EPCIP: variants seen among roughly 807,000 people sequenced by gnomAD.
The protein encoded by EPCIP is exosomal polycystin-1-interacting protein.
the EPCIP span, among the ~76,000 whole-genome samples, chr21:32,791,818 A>T: frequency 6.6e-6 from 1 of 151,952 alleles, no homozygotes; most frequent in Admixed American, 6.5e-5. Flanking sequence ...TCTTATCATT[A>T]TGGTATCATG....
chr21:32,801,185 A>G, the EPCIP span, among the ~76,000 whole-genome samples: 1 of 152,160 alleles, frequency 6.6e-6, no homozygotes, highest in South Asian at 2.1e-4. Flanking sequence ...TTCCCCCTTA[A>G]TGGCATTAGT....
chr21:32,793,759 A>G, the EPCIP span: 1 of 1,613,118 alleles, frequency 6.2e-7, no homozygotes, highest in Non-Finnish European at 8.5e-7. Context: ...CACAGTTATT[A>G]TGCTAGTAAA....
At chr21:32,792,550 A>T in the EPCIP span, among the ~76,000 whole-genome samples, 1 of 152,230 alleles carries the variant, frequency 6.6e-6, no homozygotes, top group Non-Finnish European at 1.5e-5. Context: ...GAGAAAGAAG[A>T]TGAAAATGAG....
chr21:32,808,778 A>T, the EPCIP span, among the ~76,000 whole-genome samples: 2 of 152,218 alleles, frequency 1.3e-5, no homozygotes, highest in African/African-American at 2.4e-5. Flanking sequence ...TACCATACTC[A>T]TGTAAGATGT....
chr21:32,809,178 G>GGTGT, the EPCIP span, among the ~76,000 whole-genome samples: 1 of 69,724 alleles, frequency 1.4e-5, no homozygotes, highest in South Asian at 5.8e-4. Flanking sequence ...AGCCTCGAGG[G>GGTGT]GTGCGTGTGT....
chr21:32,792,134 C>T, the EPCIP span, among the ~76,000 whole-genome samples: 2 of 152,174 alleles, frequency 1.3e-5, no homozygotes, highest in Non-Finnish European at 2.9e-5. Flanking sequence ...GAACTCCCGA[C>T]CTCAGGTGAT....
chr21:32,803,454 G>A, the EPCIP span, among the ~76,000 whole-genome samples: 2 of 152,156 alleles, frequency 1.3e-5, no homozygotes, highest in African/African-American at 4.8e-5. Flanking sequence ...TCTTCCCGTT[G>A]AGGTCAAGGA....
At chr21:32,810,692 C>A in the EPCIP span, 17 of 471,284 alleles carry the variant, frequency 3.6e-5, no homozygotes, top group East Asian at 2.8e-4. Context: ...TGATGGTGAA[C>A]TGAGATACGT....
At chr21:32,799,040 T>C in the EPCIP span, 3 of 152,156 alleles carry the variant, frequency 2.0e-5, no homozygotes, top group Admixed American at 6.5e-5. Flanking sequence ...CAAAAATACA[T>C]TGGACTCCTG....
chr21:32,797,616 G>A, the EPCIP span: 1 of 152,386 alleles, frequency 6.6e-6, no homozygotes, highest in East Asian at 1.9e-4. Flanking sequence ...CAGTTTTTGG[G>A]CTTTATATTC....
At chr21:32,801,921 G>A in the EPCIP span, among the ~76,000 whole-genome samples, 4 of 152,284 alleles carry the variant, frequency 2.6e-5, no homozygotes, top group South Asian at 8.3e-4. Context: ...TGCTCTTTGG[G>A]CCAGGCAGAG....
At chr21:32,797,583 C>A in the EPCIP span, 1 of 153,260 alleles carries the variant, frequency 6.5e-6, no homozygotes, top group Non-Finnish European at 1.5e-5. Flanking sequence ...TTCTCTTTCA[C>A]TGGGGTAAAG....
At chr21:32,792,061 C>T in the EPCIP span, among the ~76,000 whole-genome samples, 14 of 152,130 alleles carry the variant, frequency 9.2e-5, no homozygotes, top group South Asian at 1.7e-3. Flanking sequence ...TGCACCACCA[C>T]GCCTGGCTTA....
At chr21:32,804,481 C>T in the EPCIP span, among the ~76,000 whole-genome samples, 48 of 151,686 alleles carry the variant, frequency 3.2e-4, no homozygotes, top group African/African-American at 1.0e-3. Context: ...ATTGTATACT[C>T]ATAAGTACTC....
At chr21:32,791,182 G>T in the EPCIP span, 2 of 152,120 alleles carry the variant, frequency 1.3e-5, no homozygotes, top group Non-Finnish European at 2.9e-5. Flanking sequence ...AGCACAAACT[G>T]AACCATATTT....
chr21:32,802,366 A>G, the EPCIP span, among the ~76,000 whole-genome samples: 25 of 152,152 alleles, frequency 1.6e-4, no homozygotes, highest in Admixed American at 1.6e-3. Flanking sequence ...TGGCTTGCAA[A>G]CCTCCTGTGA....
At chr21:32,798,075 C>T in the EPCIP span, 1 of 152,230 alleles carries the variant, frequency 6.6e-6, no homozygotes, top group Non-Finnish European at 1.5e-5. Context: ...TGGCTCATAC[C>T]TGTAACCCCA....
the EPCIP span, among the ~76,000 whole-genome samples, chr21:32,804,042 T>C: frequency 2.0e-5 from 3 of 152,228 alleles, no homozygotes; most frequent in Non-Finnish European, 4.4e-5. Flanking sequence ...TAGAAAAAGA[T>C]GAAGTAAATT....
chr21:32,810,597 C>A, the EPCIP span: 1 of 471,374 alleles, frequency 2.1e-6, no homozygotes, highest in Non-Finnish European at 4.4e-6. Flanking sequence ...ATGTCCCCAG[C>A]TCAGTGCATG....
Sources: allele counts gnomAD v4.1 joint callset (sites outside exome capture counted in the v4.1 genomes callset), GRCh38; gene constraint gnomAD v4.1.1; transcripts MANE v1.5; gene names NCBI Gene and HGNC (gene_info 2026-07-23, HGNC 2026-07-21).